Variants in LOXHD1 observed in about 807,000 individuals in gnomAD.
LOXHD1 encodes the protein lipoxygenase homology domain-containing protein 1.
LOXHD1 carries 205 observed loss-of-function variants against 248.2 expected under a neutral mutation model. The ratio of observed to expected loss-of-function variants is 0.83; its 90% CI spans 0.74 to 0.93. The LOEUF is 0.93. Among genes scored for constraint, LOXHD1 ranks in the 40% least tolerant of loss-of-function variants. The pLI is 0.00. For synonymous variants in LOXHD1, 1,113 were observed against 1,162.8 expected (o/e 0.96, Z 0.87); for missense variants, 2,930 against 2,971.6 (o/e 0.99, Z 0.33).
At position 46,607,329 on chromosome 18, in the gene LOXHD1, G is replaced by A. The variant is rs978680294; in HGVS notation, c.760-3100C>T. On this transcript the variant is annotated intron_variant, in intron 6 of 40. Transcript: ENST00000642948. The stretch of plus-strand genomic sequence containing the variant: ...GTCATATATATATACACATATATGT[G>A]CATATATACATGTACATATACATAC... Among the ~76,000 whole-genome samples, 9 of 149,214 alleles carry A rather than the reference G, an allele frequency of 6.0e-5. No individual in the cohort carries two copies. The Admixed American group carries it at 6.0e-4, about 10-fold the overall frequency.
chr18:46,572,492 C>T (rs557813171), intron 14 of LOXHD1, among the ~76,000 whole-genome samples: 10 of 152,116 alleles, frequency 6.6e-5, no homozygotes, highest in South Asian at 4.2e-4. Flanking sequence ...GAACAGAGCC[C>T]GCAGGAGTTG....
At chr18:46,601,158 G>T in intron 8 of LOXHD1, 59 bp downstream of exon 8, 2 of 1,515,310 alleles carry the variant, frequency 1.3e-6, no homozygotes, top group Non-Finnish European at 1.8e-6. Context: ...GTTTGTACTT[G>T]CAAGTTAAAG....
At chr18:46,521,009 C>A in intron 33 of LOXHD1, 88 bp downstream of exon 33, 1 of 1,452,246 alleles carries the variant, frequency 6.9e-7, no homozygotes, top group South Asian at 1.4e-5. Flanking sequence ...GAGTCTCCTA[C>A]TTCTTCCACT....
chr18:46,626,610 C>A (rs1249085060), intron 4 of LOXHD1, among the ~76,000 whole-genome samples: 1 of 152,118 alleles, frequency 6.6e-6, no homozygotes, highest in African/African-American at 2.4e-5. Context: ...AGTGAAACAA[C>A]ATGGTTATAA....
In LOXHD1 at chr18:46,560,537, C is replaced by T. The variant is rs2037502650; in HGVS notation, c.2607G>A (p.Ala869=). The T allele has an allele frequency of 9.8e-6, 15 of 1,528,690 alleles. No homozygotes were observed. The highest frequency in any genetic ancestry group is 2.4e-5 in the South Asian group (2 of 83,638). The allele number at this position is 1,528,690 out of a possible 1,614,324, so 94.7% of individuals were successfully genotyped here. A position where few individuals can be genotyped will look rare whatever the true frequency, so the allele number is the denominator to read the frequency against. The change falls in exon 19 of 41, where the codon GCG becomes GCA. Residue 869 remains alanine, a synonymous_variant. Transcript: ENST00000642948. ...GCTTATAGACCTCGCCCACGTCGGC[C>T]GCCTCAAGCTGTTCAAAGGGCAGGG... is the stretch of plus-strand genomic sequence containing the variant. ...RASKDTFQLE[A]ADVGEVYKLR...
intron 37 of LOXHD1, among the ~76,000 whole-genome samples, chr18:46,499,375 T>C (rs1237051809): frequency 6.6e-6 from 1 of 152,200 alleles, no homozygotes; most frequent in Non-Finnish European, 1.5e-5. Flanking sequence ...GAATGTCTGT[T>C]AGCTTGGGCA....
intron 4 of LOXHD1, among the ~76,000 whole-genome samples, chr18:46,624,470 G>A (rs1358733213): frequency 2.0e-5 from 3 of 152,190 alleles, no homozygotes; most frequent in African/African-American, 4.8e-5. Flanking sequence ...TGCCGGTGCC[G>A]GAAGCTGGCT....
intron 12 of LOXHD1, among the ~76,000 whole-genome samples, chr18:46,586,429 TTG>T (rs1449253193): frequency 1.8e-5 from 1 of 54,204 alleles, no homozygotes; most frequent in South Asian, 6.6e-4. Context: ...AATATAGCTG[TTG>T]TTTTTTTTGT....
At chr18:46,600,970 A>C (rs1301077037) in intron 8 of LOXHD1, among the ~76,000 whole-genome samples, 1 of 152,184 alleles carries the variant, frequency 6.6e-6, no homozygotes, top group Non-Finnish European at 1.5e-5. Context: ...CATAACCACC[A>C]ACTGAGCGCC....
At chr18:46,498,835 G>T (rs1296228374) in intron 37 of LOXHD1, among the ~76,000 whole-genome samples, 1 of 152,078 alleles carries the variant, frequency 6.6e-6, no homozygotes, top group African/African-American at 2.4e-5. Flanking sequence ...GAATTTGGTG[G>T]GTGGGGAACA....
intron 37 of LOXHD1, among the ~76,000 whole-genome samples, chr18:46,495,703 A>AGAAAATTTACATATTAC (rs2033818091): frequency 1.3e-5 from 2 of 152,236 alleles, no homozygotes; most frequent in African/African-American, 4.8e-5. Flanking sequence ...TACAATATTA[A>AGAAAATTTACATATTAC]GAAAATTTAC....
chr18:46,589,130 G>A (rs2038117593), intron 12 of LOXHD1, among the ~76,000 whole-genome samples: 1 of 152,180 alleles, frequency 6.6e-6, no homozygotes, highest in African/African-American at 2.4e-5. Context: ...ACAGCAAACT[G>A]TTCTCATGAA....
intron 18 of LOXHD1, among the ~76,000 whole-genome samples, chr18:46,562,288 C>T (rs1260263544): frequency 3.9e-5 from 6 of 152,240 alleles, no homozygotes; most frequent in Non-Finnish European, 7.3e-5. Flanking sequence ...GGTAAGGACT[C>T]TTTGCTGAAG....
At position 46,509,780 on chromosome 18, in the gene LOXHD1, T is replaced by A; in HGVS notation, c.5435A>T (p.Glu1812Val). The change falls in exon 35 of 41, where the codon GAG (glutamate) becomes GTG (valine). Residue 1812 changes from glutamate to valine, a missense_variant. Transcript: ENST00000642948. Reference sequence around the variant, plus strand: ...GGTGAATGGAGCAATGTCTAGGATCTCCATGATGAAGGTGTCGTTCTGCTC... The same window carrying A: ...GGTGAATGGAGCAATGTCTAGGATCACCATGATGAAGGTGTCGTTCTGCTC... ...EREQNDTFIM[E>V]ILDIAPFTKM... 6.5e-7 allele frequency: 1 copy of A among 1,537,734 alleles called. No homozygotes were observed. Among genetic ancestry groups the A allele is most frequent in the Non-Finnish European group, 8.8e-7 (1 of 1,139,530 alleles).
At chr18:46,484,032 A>T (rs574725904) in intron 39 of LOXHD1, among the ~76,000 whole-genome samples, 1 of 152,042 alleles carries the variant, frequency 6.6e-6, no homozygotes, top group Non-Finnish European at 1.5e-5. Flanking sequence ...GAGCAGAGGG[A>T]GGAGGGGAAG....
intron 21 of LOXHD1, among the ~76,000 whole-genome samples, chr18:46,550,058 A>C (rs1193145020): frequency 2.6e-5 from 4 of 152,254 alleles, no homozygotes; most frequent in Non-Finnish European, 5.9e-5. Flanking sequence ...TCAACAAGCC[A>C]ATAAATGTGG....
chr18:46,552,452 C>T (rs1395158780), intron 21 of LOXHD1, among the ~76,000 whole-genome samples: 2 of 152,186 alleles, frequency 1.3e-5, no homozygotes, highest in Non-Finnish European at 2.9e-5. Context: ...CAACCCCCTC[C>T]TCCTTGTGTT....
Position 46,639,670 on chromosome 18 carries a change from G to T in LOXHD1, c.457C>A (p.Arg153Ser). 1.3e-6 allele frequency: 2 copies of T among 1,551,724 alleles called. No homozygotes were observed. The highest frequency in any genetic ancestry group is 1.7e-6 in the Non-Finnish European group (2 of 1,147,004). ...NNWLSKVEGD[R>S]QWCRDLLASF... ...GCCAGCAGGTCACGGCACCACTGGCGGTCACCTTCCACCTTGCTCAGCCAG... is the reference window on the plus strand; with the variant it reads ...GCCAGCAGGTCACGGCACCACTGGCTGTCACCTTCCACCTTGCTCAGCCAG... The change falls in exon 4 of 41, where the codon CGC (arginine) becomes AGC (serine). Residue 153 changes from arginine to serine, a missense_variant. Arg to Ser is a moderately radical substitution (Grantham distance 110). Transcript: ENST00000642948.
intron 4 of LOXHD1, among the ~76,000 whole-genome samples, chr18:46,621,745 A>C (rs2038671890): frequency 6.6e-6 from 1 of 152,244 alleles, no homozygotes; most frequent in South Asian, 2.1e-4. Context: ...AATTAAAAAA[A>C]AAAATCCCTG....
Sources: gnomAD v4.1 joint callset for allele counts (sites outside exome capture counted in the v4.1 genomes callset) on GRCh38, gnomAD v4.1.1 for gene constraint, MANE v1.5 for transcripts, NCBI Gene and HGNC (gene_info 2026-07-23, HGNC 2026-07-21) for gene names.